Variants in GRIP1 observed in about 807,000 individuals in gnomAD.
GRIP1 encodes glutamate receptor interacting protein 1.
In GRIP1, 45 loss-of-function variants were observed where a neutral mutation model predicts 129.9. The observed-to-expected ratio is 0.35, with a 90% CI of 0.27 to 0.44. The LOEUF is 0.44. Ranked by LOEUF, GRIP1 falls within the 20% of genes least tolerant of loss-of-function variation. The probability of loss-of-function intolerance (pLI) is 1.00; values close to 1 mark genes in which losing one functional copy is unlikely to be tolerated. For missense variants in GRIP1, 1,196 were observed against 1,396.8 expected (o/e 0.86, Z 2.29); for synonymous variants, 530 against 520.8 (o/e 1.02, Z -0.24).
chr12:66,499,803 A>G (rs2060339542), intron 7 of GRIP1, among the ~76,000 whole-genome samples: 1 of 152,138 alleles, frequency 6.6e-6, no homozygotes, highest in Admixed American at 6.5e-5. Flanking sequence ...CAGGAGTTCA[A>G]GATCAGCCTG....
At chr12:66,898,243 C>T (rs1386550960) in intron 1 of GRIP1, among the ~76,000 whole-genome samples, 1 of 152,170 alleles carries the variant, frequency 6.6e-6, no homozygotes, top group Non-Finnish European at 1.5e-5. Context: ...AGTCCTTAGC[C>T]TTCCTCAGGA....
chr12:66,784,256 C>T (rs2038248496), intron 1 of GRIP1, among the ~76,000 whole-genome samples: 1 of 152,260 alleles, frequency 6.6e-6, no homozygotes, highest in Admixed American at 6.5e-5. Flanking sequence ...CCACAGCAGA[C>T]ATCACTAATT....
Position 66,349,199 on chromosome 12 carries a change from G to A in GRIP1, c.3207C>T (p.Pro1069=), listed in dbSNP as rs187691546. The A allele has an allele frequency of 2.7e-4, 430 of 1,614,078 alleles. No individual in the cohort carries two copies. In the African/African-American group the frequency reaches 4.8e-3, roughly 18 times the overall value. ...GCTTATTCCCGGATTCTGCTATGAG[G>A]GGCACAACAAGGCAGCAGTCAAAGT... ...TRDFDCCLVV[P]LIAESGNKLD... The change falls in exon 25 of 25, where the codon CCC becomes CCT. Residue 1069 remains proline, a synonymous_variant. Transcript: ENST00000359742.
chr12:66,990,969 C>T lies in GRIP1; in HGVS notation c.58+78081G>A, dbSNP rs1455154012. 3.4e-5 allele frequency among the ~76,000 whole-genome samples: 5 copies of T among 145,134 alleles called. No homozygotes were observed. In the East Asian group the frequency reaches 8.2e-4, roughly 24 times the overall value. On this transcript the variant is annotated intron_variant, in intron 1 of 1. Transcript: ENST00000643019. ...TCCAGCCTGGGCAACAAGAGCTAAA[C>T]TCCGTCGCAAAAAAAAAAAAAAGAA...
rs776702622 is a variant in GRIP1 at position 66,349,165 on chromosome 12, C to G, written c.3241G>C (p.Val1081Leu). 6.2e-7 allele frequency: 1 copy of G among 1,613,870 alleles called. No individual in the cohort carries two copies. Among genetic ancestry groups the G allele is most frequent in the Non-Finnish European group, 8.5e-7 (1 of 1,179,784 alleles). Residue 1081 changes from valine (V) to leucine (L), a missense_variant, in exon 25 of 25, where the codon GTT becomes CTT. Val to Leu is a conservative substitution (Grantham distance 32). Around this residue, in one of 5 missense-constraint regions of GRIP1, gnomAD observed 427 missense variants for 463.3 expected, o/e 0.92. Coordinates refer to ENST00000359742, the MANE Select transcript of GRIP1 (RefSeq NM_001366722.1). ...IAESGNKLDL[V>L]ISRNPLASQK... ...GAAGCCAGTGGGTTTCTACTAATAA[C>G]CAGGTCCAGCTTATTCCCGGATTCT...
intron 1 of GRIP1, among the ~76,000 whole-genome samples, chr12:66,692,419 T>A (rs1460068864): frequency 6.6e-6 from 1 of 152,146 alleles, no homozygotes; most frequent in Admixed American, 6.5e-5. Flanking sequence ...CTTACAACTC[T>A]TTGATTGCTG....
chr12:66,779,460 T>C (rs1281844192), intron 1 of GRIP1, among the ~76,000 whole-genome samples: 1 of 152,212 alleles, frequency 6.6e-6, no homozygotes, highest in African/African-American at 2.4e-5. Context: ...ACTGGTGAAT[T>C]TGTGGATACA....
At chr12:66,506,803 G>A (rs2060540548) in intron 7 of GRIP1, among the ~76,000 whole-genome samples, 1 of 152,056 alleles carries the variant, frequency 6.6e-6, no homozygotes, top group African/African-American at 2.4e-5. Context: ...CAGAAACATA[G>A]TAAGTGGCTC....
At chr12:66,646,828 G>A (rs2032410720) in intron 1 of GRIP1, among the ~76,000 whole-genome samples, 1 of 152,178 alleles carries the variant, frequency 6.6e-6, no homozygotes, top group South Asian at 2.1e-4. Context: ...AAGAAGAGGT[G>A]AGTGCTGAAA....
chr12:66,662,039 A>G (rs1487304220), intron 1 of GRIP1, among the ~76,000 whole-genome samples: 1 of 152,104 alleles, frequency 6.6e-6, no homozygotes, highest in Non-Finnish European at 1.5e-5. Context: ...ATTCTAAAGT[A>G]TCCATACTCC....
chr12:66,412,827 C>T (rs1037124289), intron 15 of GRIP1, among the ~76,000 whole-genome samples: 1 of 151,990 alleles, frequency 6.6e-6, no homozygotes, highest in Non-Finnish European at 1.5e-5. Flanking sequence ...AAAAGCAGAG[C>T]CTGCACTCCT....
At chr12:66,837,649 A>C (rs983398592) in intron 1 of GRIP1, among the ~76,000 whole-genome samples, 8 of 152,176 alleles carry the variant, frequency 5.3e-5, no homozygotes, top group Admixed American at 1.3e-4. Flanking sequence ...AAATAAGACA[A>C]ATCTATATGA....
intron 14 of GRIP1, among the ~76,000 whole-genome samples, chr12:66,430,500 GA>G (rs1370438243): frequency 6.6e-6 from 1 of 152,050 alleles, no homozygotes; most frequent in African/African-American, 2.4e-5. Context: ...ACCCATTTTA[GA>G]AGTAAAACAC....
At chr12:66,672,621 G>A (rs1488676650) in intron 1 of GRIP1, among the ~76,000 whole-genome samples, 6 of 151,528 alleles carry the variant, frequency 4.0e-5, no homozygotes, top group Non-Finnish European at 8.8e-5. Context: ...CATGTATATG[G>A]GCAAAAAAGT....
In GRIP1 at chr12:66,746,597, T is replaced by C. The variant is rs148416291; in HGVS notation, c.-420+57456A>G. Reference sequence around the variant, plus strand: ...TTCTCCACCTTTGGTACCCTCCTGTTGCTCTCTACTCGTGCTGGTCTACCA... The same window carrying C: ...TTCTCCACCTTTGGTACCCTCCTGTCGCTCTCTACTCGTGCTGGTCTACCA... On this transcript the variant is annotated intron_variant, in intron 1 of 4. Transcript: ENST00000538373. Among the ~76,000 whole-genome samples, 913 of 152,312 alleles carry C rather than the reference T, an allele frequency of 6.0e-3. 11 individuals carry two copies. Among genetic ancestry groups the C allele is most frequent in the African/African-American group, 0.021 (872 of 41,572 alleles).
At chr12:66,762,306 C>T (rs918181347) in intron 1 of GRIP1, among the ~76,000 whole-genome samples, 6 of 152,156 alleles carry the variant, frequency 3.9e-5, no homozygotes, top group African/African-American at 1.4e-4. Context: ...AGGAAGACTC[C>T]TACTCCACAA....
chr12:67,004,753 T>A (rs2042602582), intron 1 of GRIP1, among the ~76,000 whole-genome samples: 1 of 152,148 alleles, frequency 6.6e-6, no homozygotes, highest in Non-Finnish European at 1.5e-5. Flanking sequence ...TAACTTTTTT[T>A]AAAGTTTAAA....
At chr12:67,021,949 C>T (rs1254207783) in intron 1 of GRIP1, among the ~76,000 whole-genome samples, 1 of 152,154 alleles carries the variant, frequency 6.6e-6, no homozygotes, top group Non-Finnish European at 1.5e-5. Flanking sequence ...ATGATATCCT[C>T]CAGACTCATC....
At chr12:66,994,692 T>C (rs2042442052) in intron 1 of GRIP1, among the ~76,000 whole-genome samples, 2 of 151,942 alleles carry the variant, frequency 1.3e-5, no homozygotes. Context: ...TTGAACGAAA[T>C]GAACAAAGAT....
Sources: gnomAD v4.1 joint callset for allele counts (sites outside exome capture counted in the v4.1 genomes callset) on GRCh38, gnomAD v4.1.1 for gene constraint, gnomAD v4.1.1 regional missense constraint, MANE v1.5 for transcripts, NCBI Gene and HGNC (gene_info 2026-07-23, HGNC 2026-07-21) for gene names.